The following PSD3 variants were observed in gnomAD, a reference collection of about 807,000 sequenced individuals.
PSD3 encodes the protein PH and SEC7 domain-containing protein 3.
Under a neutral mutation model 105.5 loss-of-function variants are expected in PSD3, and 49 were observed. The observed-to-expected ratio is 0.46, with a 90% CI of 0.37 to 0.59. The LOEUF (loss-of-function observed/expected upper bound fraction) is 0.59. PSD3 is among the 20% of genes least tolerant of loss of function. PSD3 has a pLI of 0.00. For missense variants in PSD3, 1,561 were observed against 1,263.8 expected, an observed-to-expected ratio of 1.24 and a Z score of -3.57; for synonymous variants, 557 against 457.8, an observed-to-expected ratio of 1.22 and a Z score of -2.77.
At chr8:19,062,222 G>A (rs1563538525) in intron 1 of PSD3, among the ~76,000 whole-genome samples, 1 of 152,192 alleles carries the variant, frequency 6.6e-6, no homozygotes, top group Non-Finnish European at 1.5e-5. Context: ...GAATTAGAGG[G>A]ATGTTTGAAT....
intron 2 of PSD3, among the ~76,000 whole-genome samples, chr8:18,910,784 T>G (rs1023681991): frequency 6.6e-6 from 1 of 151,726 alleles, no homozygotes; most frequent in Admixed American, 6.6e-5. Context: ...TATAGTTTAG[T>G]GGTTTAAGTT....
intron 1 of PSD3, among the ~76,000 whole-genome samples, chr8:18,978,845 C>G (rs1180471211): frequency 6.6e-6 from 1 of 152,098 alleles, no homozygotes; most frequent in Admixed American, 6.6e-5. Context: ...CAACCTCTCT[C>G]CCTTCCTCTC....
chr8:19,010,608 C>A (rs150947579), intron 1 of PSD3, among the ~76,000 whole-genome samples: 329 of 152,248 alleles, frequency 2.2e-3, no homozygotes, highest in African/African-American at 4.8e-3. Flanking sequence ...TGAAAAATGT[C>A]CTTGAAAGAT....
chr8:18,883,044 T>C (rs984905553), intron 2 of PSD3, among the ~76,000 whole-genome samples: 7 of 152,208 alleles, frequency 4.6e-5, no homozygotes, highest in African/African-American at 1.7e-4. Flanking sequence ...GAAAGCAGCA[T>C]AGATATCACC....
intron 1 of PSD3, among the ~76,000 whole-genome samples, chr8:19,064,833 A>C (rs1829023806): frequency 6.6e-6 from 1 of 152,216 alleles, no homozygotes; most frequent in Non-Finnish European, 1.5e-5. Context: ...TGCTAGAATC[A>C]ATGCCTTTGT....
At chr8:18,805,372 G>C (rs1446162711) in intron 4 of PSD3, among the ~76,000 whole-genome samples, 1 of 152,106 alleles carries the variant, frequency 6.6e-6, no homozygotes, top group African/African-American at 2.4e-5. Context: ...AATTCTAAGA[G>C]CCATTTCTAC....
Position 18,871,703 on chromosome 8 carries a change from A to G in PSD3, c.1161T>C (p.Ser387=), listed in dbSNP as rs1416823697. Residue 387 remains serine (S), a synonymous_variant, in exon 3 of 16, where the codon AGT becomes AGC. Transcript: ENST00000327040. The part of the protein sequence containing the change: ...GTFSPVRLDE[S]GEDEVFLQEN... ...CCTGTAGGAAGACTTCATCCTCTCC[A>G]CTCTCATCAAGACGCACAGGGGAAA... is the stretch of plus-strand genomic sequence containing the variant. The G allele has an allele frequency of 9.9e-6, 16 of 1,613,800 alleles. No individual in the cohort carries two copies. In the Admixed American group the frequency reaches 1.7e-4, roughly 17 times the overall value.
chr8:19,055,562 A>C (rs998879424), intron 1 of PSD3, among the ~76,000 whole-genome samples: 1 of 152,084 alleles, frequency 6.6e-6, no homozygotes, highest in African/African-American at 2.4e-5. Context: ...CGATTTGTAG[A>C]CTTTTTTTTC....
intron 1 of PSD3, among the ~76,000 whole-genome samples, chr8:18,969,373 T>C (rs970535200): frequency 1.3e-5 from 2 of 152,210 alleles, no homozygotes; most frequent in African/African-American, 4.8e-5. Flanking sequence ...AAAATGACTA[T>C]AACATTAGCT....
chr8:18,564,455 C>A (rs967171846), intron 14 of PSD3, among the ~76,000 whole-genome samples: 2 of 152,068 alleles, frequency 1.3e-5, no homozygotes, highest in East Asian at 3.9e-4. Flanking sequence ...ATGGTGAAAC[C>A]CCGTCTCTAC....
In PSD3 at chr8:18,975,605, A is replaced by C. The variant is rs567906025; in HGVS notation, c.21+37958T>G. On this transcript the variant is annotated intron_variant, in intron 1 of 15. Coordinates refer to ENST00000327040, the MANE Select transcript of PSD3 (RefSeq NM_015310.4). ...AAGGTTGACTTATGATAGTAAATTAATAAACATTCATTCCTTTCCTGCAAC... is the reference window on the plus strand; with the variant it reads ...AAGGTTGACTTATGATAGTAAATTACTAAACATTCATTCCTTTCCTGCAAC... Among the ~76,000 whole-genome samples the C allele has an allele frequency of 2.6e-5, 4 of 152,344 alleles. No homozygotes were observed. The South Asian group carries it at 8.3e-4, about 32-fold the overall frequency.
At chr8:18,686,749 A>G (rs1199668932) in intron 9 of PSD3, among the ~76,000 whole-genome samples, 4 of 152,000 alleles carry the variant, frequency 2.6e-5, no homozygotes, top group African/African-American at 9.7e-5. Context: ...AGTGCGTGGC[A>G]CTTTAGCTTC....
chr8:18,841,530 G>A (rs1057128140), intron 4 of PSD3, among the ~76,000 whole-genome samples: 9 of 151,956 alleles, frequency 5.9e-5, no homozygotes, highest in African/African-American at 2.2e-4. Context: ...CATGGAGAGA[G>A]CAGACGGGGC....
intron 1 of PSD3, among the ~76,000 whole-genome samples, chr8:19,041,717 T>G (rs1828130502): frequency 6.6e-6 from 1 of 152,222 alleles, no homozygotes; most frequent in Non-Finnish European, 1.5e-5. Flanking sequence ...GACACAAGAC[T>G]AGGGATGTGT....
intron 1 of PSD3, among the ~76,000 whole-genome samples, chr8:18,946,579 C>G (rs1406175054): frequency 7.2e-6 from 1 of 139,038 alleles, no homozygotes; most frequent in Non-Finnish European, 1.6e-5. Context: ...CACCTTGTTT[C>G]AACAAATAAT....
chr8:18,780,541 C>T (rs1184728350), intron 8 of PSD3, among the ~76,000 whole-genome samples: 1 of 151,318 alleles, frequency 6.6e-6, no homozygotes, highest in Non-Finnish European at 1.5e-5. Context: ...TAACACTTGC[C>T]TCCTCTATTT....
chr8:18,981,340 G>A (rs370363716), intron 1 of PSD3, among the ~76,000 whole-genome samples: 32 of 152,300 alleles, frequency 2.1e-4, no homozygotes, highest in African/African-American at 7.5e-4. Context: ...GAAGCAGAAA[G>A]ACTACTATGG....
chr8:18,802,696 T>A (rs970263040), intron 6 of PSD3, among the ~76,000 whole-genome samples: 1 of 152,120 alleles, frequency 6.6e-6, no homozygotes, highest in Non-Finnish European at 1.5e-5. Context: ...CAGACCTCAG[T>A]TTCTTGATTT....
chr8:18,665,028 T>C (rs1268618836), intron 9 of PSD3, among the ~76,000 whole-genome samples: 3 of 152,174 alleles, frequency 2.0e-5, no homozygotes, highest in African/African-American at 4.8e-5. Flanking sequence ...AGAACTCTGA[T>C]GGAGATGTAC....
Sources: gnomAD v4.1 joint callset for allele counts (sites outside exome capture counted in the v4.1 genomes callset) on GRCh38, gnomAD v4.1.1 for gene constraint, MANE v1.5 for transcripts, NCBI Gene and HGNC (gene_info 2026-07-23, HGNC 2026-07-21) for gene names.